Variants in ATAD2B observed in about 807,000 individuals in gnomAD.
ATAD2B encodes the protein ATPase family AAA domain-containing protein 2B.
ATAD2B carries 40 observed loss-of-function variants against 167.6 expected under a neutral mutation model. The ratio of observed to expected loss-of-function variants is 0.24; its 90% confidence interval spans 0.19 to 0.31. The LOEUF (loss-of-function observed/expected upper bound fraction) is 0.31. Ranked by LOEUF, ATAD2B falls within the 10% of genes least tolerant of loss-of-function variation. The pLI, the probability that ATAD2B is intolerant of heterozygous loss-of-function variation, is 1.00. For synonymous variants in ATAD2B, 579 were observed against 596.5 expected (o/e 0.97, Z 0.43); for missense variants, 1,242 against 1,757.2 (o/e 0.71, Z 5.24).
the ATAD2B span, among the ~76,000 whole-genome samples, chr2:23,705,491 A>T: frequency 6.9e-6 from 1 of 144,452 alleles, no homozygotes; most frequent in Non-Finnish European, 1.5e-5. Flanking sequence ...ACTCCGTCTC[A>T]AAAAAAAAAA....
rs1693606618 is a variant in ATAD2B, at chr2:23,857,514, G to A, written c.1480-11C>T. ...TCTCATCAAATATGCCTAGTAAGAA[G>A]AAAACAAATAATATTTATTGTATTT... On this transcript the variant is annotated splice_polypyrimidine_tract_variant and intron_variant, in intron 12 of 27. Transcript: ENST00000238789. The A allele has an allele frequency of 1.7e-6, 2 of 1,185,468 alleles. No individual in the cohort carries two copies. Among genetic ancestry groups the A allele is most frequent in the Non-Finnish European group, 2.3e-6 (2 of 873,906 alleles). 73.4% of individuals were successfully genotyped at this position (1,185,468 alleles called of 1,614,324 possible).
At chr2:23,895,745 ATTAGCATT>A in intron 2 of ATAD2B, 66 bp downstream of exon 2, 1 of 1,104,306 alleles carries the variant, frequency 9.1e-7, no homozygotes. Flanking sequence ...AGCTAAGAAA[ATTAGCATT>A]AATATCAGCC....
At chr2:23,791,883 TTGAG>T (rs533844079) in intron 19 of ATAD2B, among the ~76,000 whole-genome samples, 3 of 152,196 alleles carry the variant, frequency 2.0e-5, no homozygotes, top group South Asian at 4.1e-4. Flanking sequence ...TTCAATTCTT[TTGAG>T]TAAGTACCTA....
intron 1 of ATAD2B, among the ~76,000 whole-genome samples, chr2:23,906,426 G>A (rs1260433023): frequency 6.6e-6 from 1 of 152,122 alleles, no homozygotes; most frequent in Non-Finnish European, 1.5e-5. Flanking sequence ...GGTTAAATAT[G>A]TGGCAGTATA....
At chr2:23,847,051 T>C (rs1269094658) in intron 13 of ATAD2B, among the ~76,000 whole-genome samples, 3 of 75,644 alleles carry the variant, frequency 4.0e-5, no homozygotes. Flanking sequence ...ACTCTAAAAA[T>C]TACTAAACTA....
At chr2:23,897,378 G>A (rs1000200725) in intron 1 of ATAD2B, among the ~76,000 whole-genome samples, 2 of 152,050 alleles carry the variant, frequency 1.3e-5, no homozygotes, top group African/African-American at 4.8e-5. Flanking sequence ...CATTATGGGG[G>A]ATTATTTTGA....
the ATAD2B span, among the ~76,000 whole-genome samples, chr2:23,700,647 C>T: frequency 6.6e-5 from 10 of 152,328 alleles, no homozygotes; most frequent in East Asian, 7.7e-4. The surrounding 1 kb of genome is among the most constrained non-coding windows in gnomAD (Gnocchi z 4.6). Context: ...CTCTCAGCTC[C>T]GGATTCTTTT....
the ATAD2B span, among the ~76,000 whole-genome samples, chr2:23,712,649 G>A: frequency 1.1e-3 from 169 of 152,304 alleles, 1 homozygote; most frequent in African/African-American, 3.8e-3. Flanking sequence ...AGTTTTCCCA[G>A]CTGGGTCAAG....
intron 19 of ATAD2B, 37 bp downstream of exon 19, chr2:23,798,101 T>C: frequency 7.8e-7 from 1 of 1,281,834 alleles, no homozygotes; most frequent in Non-Finnish European, 1.0e-6. Context: ...TTTAGAACAA[T>C]ATAATAAGGA....
the ATAD2B span, among the ~76,000 whole-genome samples, chr2:23,710,294 G>A: frequency 4.6e-5 from 7 of 152,288 alleles, no homozygotes; most frequent in Admixed American, 4.6e-4. Flanking sequence ...AAGAGGAAAC[G>A]TTGCCAGTAA....
At chr2:23,747,289 A>G (rs911890972), downstream of ATAD2B, among the ~76,000 whole-genome samples, 1 of 151,642 alleles carries the variant, frequency 6.6e-6, no homozygotes, top group Admixed American at 6.6e-5. Flanking sequence ...AAGAAAGATC[A>G]GCATACGCCA....
chr2:23,740,857 C>G, the ATAD2B span, among the ~76,000 whole-genome samples: 1 of 152,188 alleles, frequency 6.6e-6, no homozygotes, highest in Non-Finnish European at 1.5e-5. Flanking sequence ...AGCAAAGTCT[C>G]AGGATACAAA....
intron 13 of ATAD2B, among the ~76,000 whole-genome samples, chr2:23,850,138 C>CAAAAA (rs751139594): frequency 1.7e-5 from 1 of 58,266 alleles, no homozygotes; most frequent in Non-Finnish European, 3.8e-5. Flanking sequence ...GACTCCGTCT[C>CAAAAA]AAAAAAAAAA....
intron 22 of ATAD2B, among the ~76,000 whole-genome samples, chr2:23,768,482 G>T (rs1677789764): frequency 6.6e-6 from 1 of 151,754 alleles, no homozygotes; most frequent in Admixed American, 6.6e-5. Flanking sequence ...GAAGCAGCAG[G>T]ATCGCTTGAG....
At chr2:23,764,463 A>T (rs182937227) in intron 23 of ATAD2B, among the ~76,000 whole-genome samples, 1 of 152,316 alleles carries the variant, frequency 6.6e-6, no homozygotes, top group African/African-American at 2.4e-5. Context: ...GAAAACACTG[A>T]TCTACAAGAT....
the ATAD2B span, among the ~76,000 whole-genome samples, chr2:23,732,160 CAA>C: frequency 6.6e-6 from 1 of 152,058 alleles, no homozygotes. Flanking sequence ...ATGAGAAATA[CAA>C]AAGATAAATG....
intron 15 of ATAD2B, among the ~76,000 whole-genome samples, chr2:23,826,137 G>A (rs1405919936): frequency 6.6e-6 from 1 of 152,070 alleles, no homozygotes; most frequent in South Asian, 2.1e-4. Context: ...TAAACCCAGT[G>A]AATCAGAATC....
At chr2:23,850,695 G>A (rs561849078) in intron 13 of ATAD2B, among the ~76,000 whole-genome samples, 58 of 152,230 alleles carry the variant, frequency 3.8e-4, no homozygotes, top group African/African-American at 1.3e-3. Context: ...ATGAATAGAC[G>A]ATTTGGGGGA....
At chr2:23,851,182 T>C (rs1416357724) in intron 13 of ATAD2B, among the ~76,000 whole-genome samples, 3 of 152,218 alleles carry the variant, frequency 2.0e-5, no homozygotes, top group Non-Finnish European at 4.4e-5. Context: ...CCTCACTCTC[T>C]CACCTAGGCT....
Sources: allele counts gnomAD v4.1 joint callset (sites outside exome capture counted in the v4.1 genomes callset), GRCh38; gene constraint gnomAD v4.1.1; non-coding constraint Gnocchi (gnomAD v3.1); transcripts MANE v1.5; gene names NCBI Gene and HGNC (gene_info 2026-07-23, HGNC 2026-07-21).